RTTN: variants seen among roughly 807,000 people sequenced by gnomAD.
RTTN encodes rotatin.
In RTTN, 182 loss-of-function variants were observed where a neutral mutation model predicts 269.2. The ratio of observed to expected loss-of-function variants is 0.68; its 90% confidence interval spans 0.60 to 0.76. The LOEUF (loss-of-function observed/expected upper bound fraction) is 0.76, where lower values mean the gene tolerates loss of function less well. Ranked by LOEUF, RTTN falls within the 30% of genes least tolerant of loss-of-function variation. The probability of loss-of-function intolerance (pLI) is 0.00; values close to 1 mark genes in which losing one functional copy is unlikely to be tolerated. For synonymous variants in RTTN, 1,006 were observed against 963.5 expected (o/e 1.04, Z -0.82); for missense variants, 2,545 against 2,608.6 (o/e 0.98, Z 0.53).
At chr18:70,063,215 C>A (rs1015696716) in intron 35 of RTTN, among the ~76,000 whole-genome samples, 2 of 152,108 alleles carry the variant, frequency 1.3e-5, no homozygotes, top group African/African-American at 4.8e-5. Flanking sequence ...TTTTCTCTAA[C>A]AATGTATGAA....
At chr18:70,182,256 T>A (rs1355777958) in intron 10 of RTTN, among the ~76,000 whole-genome samples, 1 of 152,166 alleles carries the variant, frequency 6.6e-6, no homozygotes, top group East Asian at 1.9e-4. Context: ...AAATAAAAGT[T>A]TGGGTTTCTT....
chr18:70,051,629 C>T (rs370916436), intron 38 of RTTN, 81 bp from the exon 39 acceptor site: 10 of 1,001,106 alleles, frequency 1.0e-5, no homozygotes, highest in African/African-American at 8.3e-5. Context: ...TTACCACAGA[C>T]GCTTCATTAC....
chr18:70,026,507 G>C (rs908386609), intron 43 of RTTN, among the ~76,000 whole-genome samples: 1 of 152,006 alleles, frequency 6.6e-6, no homozygotes, highest in African/African-American at 2.4e-5. Context: ...TTGCCTTCTT[G>C]TCATGATTGG....
chr18:70,039,953 C>T (rs1392435066), intron 40 of RTTN, among the ~76,000 whole-genome samples: 1 of 152,150 alleles, frequency 6.6e-6, no homozygotes, highest in East Asian at 1.9e-4. Flanking sequence ...TCATGGTAAC[C>T]TTTTACCAAA....
At chr18:70,115,227 T>C (rs10782038) in intron 26 of RTTN, among the ~76,000 whole-genome samples, 125,356 of 151,804 alleles carry the variant, frequency 0.83, 55,117 homozygotes, top group East Asian at 1. Context: ...ATTGTCCCTG[T>C]AAAAAATGTA....
Position 70,148,840 on chromosome 18 carries a change from C to G in RTTN, c.2309+61G>C. On this transcript the variant is annotated intron_variant, in intron 17 of 48. Transcript: ENST00000640769. ...TTTTGTTTCAAATTATATATAGTTACTATACTTTCTTAGCATGTTTCCATC... is the reference window on the plus strand; with the variant it reads ...TTTTGTTTCAAATTATATATAGTTAGTATACTTTCTTAGCATGTTTCCATC... 1.9e-6 allele frequency: 3 copies of G among 1,590,904 alleles called. No individual in the cohort carries two copies. In the South Asian group the frequency reaches 3.4e-5, roughly 18 times the overall value.
intron 4 of RTTN, among the ~76,000 whole-genome samples, chr18:70,200,127 A>G (rs961911755): frequency 1.3e-5 from 2 of 152,256 alleles, no homozygotes; most frequent in African/African-American, 4.8e-5. Flanking sequence ...GAGAAATAGC[A>G]TCTACATAAG....
At chr18:70,177,962 T>G (rs192320979) in intron 10 of RTTN, among the ~76,000 whole-genome samples, 1 of 152,226 alleles carries the variant, frequency 6.6e-6, no homozygotes. Context: ...AAGCAGGGTC[T>G]CCAAAAGAGA....
intron 34 of RTTN, 49 bp from the exon 35 acceptor site, chr18:70,065,971 T>C (rs1486678389): frequency 7.6e-7 from 1 of 1,318,334 alleles, no homozygotes; most frequent in Non-Finnish European, 1.1e-6. Flanking sequence ...GTACGGAAAA[T>C]GAAACACAGG....
At chr18:70,134,424 T>C in intron 23 of RTTN, 49 bp downstream of exon 23, 1 of 1,321,226 alleles carries the variant, frequency 7.6e-7, no homozygotes, top group South Asian at 1.3e-5. Context: ...TTTCCCTTTC[T>C]GTAACAACAT....
In RTTN at chr18:70,109,490, T is replaced by C. The variant is rs2059404853; in HGVS notation, c.3903+8A>G. On this transcript the variant is annotated splice_region_variant and intron_variant, in intron 28 of 48. Transcript: ENST00000640769. Reference sequence around the variant, plus strand: ...AGTAAATAACTACCATATGCTATTTTTACTTACCTCAAGGAGACCTGACAA... The same window carrying C: ...AGTAAATAACTACCATATGCTATTTCTACTTACCTCAAGGAGACCTGACAA... 3.7e-6 allele frequency: 6 copies of C among 1,611,340 alleles called. No individual in the cohort carries two copies. The South Asian group carries it at 4.4e-5, about 12-fold the overall frequency.
chr18:70,037,204 G>A (rs559954122), intron 40 of RTTN, among the ~76,000 whole-genome samples: 34 of 152,316 alleles, frequency 2.2e-4, no homozygotes, highest in African/African-American at 7.5e-4. Flanking sequence ...TGGACACAAG[G>A]CCTGCAATTC....
chr18:70,032,991 T>C (rs1249996900), intron 40 of RTTN, among the ~76,000 whole-genome samples: 2 of 152,218 alleles, frequency 1.3e-5, no homozygotes, highest in Non-Finnish European at 2.9e-5. Context: ...TGGATCTGTG[T>C]CCCCACCCAA....
intron 28 of RTTN, among the ~76,000 whole-genome samples, chr18:70,097,443 G>A (rs2059031899): frequency 6.6e-6 from 1 of 152,186 alleles, no homozygotes; most frequent in Non-Finnish European, 1.5e-5. Context: ...ACCTGTTTAT[G>A]TAATTAATAA....
At chr18:70,006,807 T>G in intron 46 of RTTN, 1 of 210,040 alleles carries the variant, frequency 4.8e-6, no homozygotes, top group Non-Finnish European at 9.5e-6. Flanking sequence ...AATGAGTTAC[T>G]CAATTACAGC....
At chr18:70,061,991 T>C (rs1453705130) in intron 35 of RTTN, among the ~76,000 whole-genome samples, 1 of 152,238 alleles carries the variant, frequency 6.6e-6, no homozygotes, top group Non-Finnish European at 1.5e-5. Flanking sequence ...ATATATTTAC[T>C]TATTTGCCTT....
chr18:70,021,663 G>A (rs1233410540), intron 44 of RTTN, among the ~76,000 whole-genome samples: 1 of 152,188 alleles, frequency 6.6e-6, no homozygotes, highest in East Asian at 1.9e-4. Context: ...ATGAAGGCAA[G>A]GACAATCCTG....
At chr18:70,036,416 C>T (rs941137255) in intron 40 of RTTN, among the ~76,000 whole-genome samples, 4 of 152,116 alleles carry the variant, frequency 2.6e-5, no homozygotes, top group African/African-American at 9.7e-5. Context: ...GAGCTCGAGG[C>T]CATGATCCTT....
intron 15 of RTTN, 32 bp from the exon 16 acceptor site, chr18:70,150,119 C>A: frequency 1.4e-6 from 2 of 1,399,804 alleles, no homozygotes; most frequent in South Asian, 2.3e-5. Context: ...ATAAACCAGT[C>A]AAATGAGATG....
Sources: allele counts gnomAD v4.1 joint callset (sites outside exome capture counted in the v4.1 genomes callset), GRCh38; gene constraint gnomAD v4.1.1; transcripts MANE v1.5; gene names NCBI Gene and HGNC (gene_info 2026-07-23, HGNC 2026-07-21).